Variants in ABCB11 observed in about 807,000 individuals in gnomAD.
ABCB11 encodes bile salt export pump.
ABCB11 carries 95 observed loss-of-function variants against 148.0 expected under a neutral mutation model. The ratio of observed to expected loss-of-function variants is 0.64; its 90% CI spans 0.54 to 0.76. The LOEUF is 0.76. Ranked by LOEUF, ABCB11 falls within the 30% of genes least tolerant of loss-of-function variation. The pLI, the probability that ABCB11 is intolerant of heterozygous loss-of-function variation, is 0.00. For missense variants in ABCB11, 1,523 were observed against 1,617.8 expected, an observed-to-expected ratio of 0.94 and a Z score of 1.01; for synonymous variants, 591 against 555.4, an observed-to-expected ratio of 1.06 and a Z score of -0.90.
chr2:168,937,691 C>T (rs994946213), intron 21 of ABCB11, among the ~76,000 whole-genome samples: 13 of 152,138 alleles, frequency 8.5e-5, no homozygotes, highest in Non-Finnish European at 1.5e-4. Context: ...AAGATTAATG[C>T]TTGCTCTATA....
chr2:168,990,969 T>C, intron 8 of ABCB11, 44 bp from the exon 9 acceptor site: 1 of 1,601,696 alleles, frequency 6.2e-7, no homozygotes, highest in Non-Finnish European at 8.5e-7. Flanking sequence ...GTCCAAGAAA[T>C]TAGGTAAGTC....
chr2:168,947,245 A>T (rs1186440527), intron 19 of ABCB11, among the ~76,000 whole-genome samples: 1 of 151,826 alleles, frequency 6.6e-6, no homozygotes, highest in Non-Finnish European at 1.5e-5. Flanking sequence ...TGCTCCTTAT[A>T]CAGATGAGGA....
At chr2:168,998,526 T>A (rs1258772828) in intron 5 of ABCB11, among the ~76,000 whole-genome samples, 2 of 152,122 alleles carry the variant, frequency 1.3e-5, no homozygotes, top group Non-Finnish European at 2.9e-5. Context: ...CATTACACAT[T>A]GTATACATGC....
intron 5 of ABCB11, among the ~76,000 whole-genome samples, chr2:168,999,524 T>C (rs1694812670): frequency 6.6e-6 from 1 of 152,104 alleles, no homozygotes; most frequent in Admixed American, 6.6e-5. Flanking sequence ...CTACAACCAG[T>C]CTGTTTTCTT....
At chr2:168,940,915 C>T (rs1326776633) in intron 21 of ABCB11, among the ~76,000 whole-genome samples, 1 of 152,090 alleles carries the variant, frequency 6.6e-6, no homozygotes, top group Admixed American at 6.6e-5. Context: ...GATGACAGCA[C>T]ATCTGTTGAA....
At chr2:168,968,386 T>C (rs1382984605) in intron 17 of ABCB11, 41 bp downstream of exon 17, 1 of 1,585,016 alleles carries the variant, frequency 6.3e-7, no homozygotes, top group Non-Finnish European at 8.6e-7. Flanking sequence ...CTCCTCAGAA[T>C]ATTTGGAAAG....
intron 11 of ABCB11, among the ~76,000 whole-genome samples, chr2:168,977,638 A>G (rs1156516079): frequency 5.9e-5 from 9 of 152,178 alleles, no homozygotes; most frequent in Admixed American, 5.9e-4. Context: ...AATACCTGAG[A>G]CTGGGTAATT....
intron 6 of ABCB11, among the ~76,000 whole-genome samples, chr2:168,996,191 A>G (rs561833627): frequency 7.9e-5 from 12 of 152,136 alleles, no homozygotes; most frequent in African/African-American, 2.6e-4. Flanking sequence ...ACTTAAATCT[A>G]AAATATGCTC....
intron 5 of ABCB11, among the ~76,000 whole-genome samples, chr2:169,006,777 ATAAAAT>A (rs930552112): frequency 7.2e-4 from 110 of 152,184 alleles, no homozygotes; most frequent in African/African-American, 2.5e-3. Flanking sequence ...CAAACTGAAA[ATAAAAT>A]TAAGAAAACA....
intron 5 of ABCB11, among the ~76,000 whole-genome samples, chr2:169,012,778 A>C (rs975100955): frequency 7.9e-5 from 12 of 151,694 alleles, no homozygotes; most frequent in Non-Finnish European, 1.6e-4. Context: ...AACAAACTCA[A>C]CTACTGGTTG....
rs115184853 is a variant in ABCB11 at position 168,941,042 on chromosome 2, C to T, written c.2610+3563G>A. ...GCACCTAGTCACCCAGGTGCTCTGA[C>T]GGAGATGTACAAGGAGATGAATGTT... On this transcript the variant is annotated intron_variant, in intron 21 of 27. Transcript: ENST00000650372. 4.4e-3 allele frequency among the ~76,000 whole-genome samples: 673 copies of T among 152,158 alleles called. 6 individuals are homozygous for T. The highest frequency in any genetic ancestry group is 0.015 in the African/African-American group (614 of 41,540).
Position 169,015,660 on chromosome 2 carries a change from A to T in ABCB11, c.98+1118T>A, listed in dbSNP as rs1321905098. On this transcript the variant is annotated intron_variant, in intron 3 of 27. Coordinates refer to ENST00000650372, the MANE Select transcript of ABCB11 (RefSeq NM_003742.4). ...GTCTTGCCTGGCCAAAGTCTTTAAAATTTCAACCCCACCCCCCACGCACCA... is the reference window on the plus strand; with the variant it reads ...GTCTTGCCTGGCCAAAGTCTTTAAATTTTCAACCCCACCCCCCACGCACCA... Among the ~76,000 whole-genome samples, 5 of 152,004 alleles carry T rather than the reference A, an allele frequency of 3.3e-5. No individual in the cohort carries two copies. The East Asian group carries it at 9.6e-4, about 29-fold the overall frequency.
chr2:169,023,457 G>C (rs745949555), intron 1 of ABCB11, among the ~76,000 whole-genome samples: 1 of 152,170 alleles, frequency 6.6e-6, no homozygotes, highest in Non-Finnish European at 1.5e-5. Flanking sequence ...TGCATGCAGA[G>C]ATATGTGTAA....
At chr2:168,993,672 A>G in intron 8 of ABCB11, 39 bp downstream of exon 8, 1 of 1,583,636 alleles carries the variant, frequency 6.3e-7, no homozygotes, top group East Asian at 2.3e-5. Context: ...TATGAAGGCA[A>G]ATGTCTTCCC....
chr2:168,969,287 C>G, intron 16 of ABCB11, 63 bp downstream of exon 16: 5 of 1,443,952 alleles, frequency 3.5e-6, no homozygotes, highest in Non-Finnish European at 4.8e-6. Flanking sequence ...CATAGAAAAC[C>G]GTAAAGCACT....
At chr2:168,952,465 C>T (rs536023158) in intron 19 of ABCB11, among the ~76,000 whole-genome samples, 147 of 151,402 alleles carry the variant, frequency 9.7e-4, no homozygotes, top group African/African-American at 3.4e-3. Context: ...GTAGGTTGCA[C>T]GCTTCCAGGA....
At chr2:168,977,127 T>G (rs1450164475) in intron 11 of ABCB11, among the ~76,000 whole-genome samples, 4 of 148,650 alleles carry the variant, frequency 2.7e-5, no homozygotes, top group African/African-American at 7.3e-5. Flanking sequence ...ATATGTTGTA[T>G]TAATATTATA....
At chr2:168,924,484 A>G (rs993831793) in intron 27 of ABCB11, among the ~76,000 whole-genome samples, 173 bp downstream of exon 27, 2 of 152,210 alleles carry the variant, frequency 1.3e-5, no homozygotes, top group African/African-American at 2.4e-5. Flanking sequence ...TTTTGAAGCA[A>G]TCTTATATTA....
At chr2:168,928,712 C>T (rs1691433289) in intron 25 of ABCB11, among the ~76,000 whole-genome samples, 1 of 152,136 alleles carries the variant, frequency 6.6e-6, no homozygotes, top group Admixed American at 6.5e-5. Flanking sequence ...GCATAGTTCA[C>T]AATCTATGTT....
Sources: gnomAD v4.1 joint callset for allele counts (sites outside exome capture counted in the v4.1 genomes callset) on GRCh38, gnomAD v4.1.1 for gene constraint, MANE v1.5 for transcripts, NCBI Gene and HGNC (gene_info 2026-07-23, HGNC 2026-07-21) for gene names.